The following CSMD1 variants were observed in gnomAD, a reference collection of about 807,000 sequenced individuals.
The protein encoded by CSMD1 is CUB and Sushi multiple domains 1, also known as CUB and sushi domain-containing protein 1.
Under a neutral mutation model 417.5 loss-of-function variants are expected in CSMD1, and 213 were observed. The observed-to-expected ratio is 0.51, with a 90% CI of 0.46 to 0.57. The LOEUF (loss-of-function observed/expected upper bound fraction) is 0.57, where lower values mean the gene tolerates loss of function less well. CSMD1 is among the 20% of genes least tolerant of loss of function. The pLI is 0.00. For synonymous variants in CSMD1, 2,862 were observed against 1,736.8 expected, an observed-to-expected ratio of 1.65 and a Z score of -16.11; for missense variants, 6,923 against 4,529.7, an observed-to-expected ratio of 1.53 and a Z score of -15.17.
chr8:3,032,212 T>A (rs1810387658), intron 50 of CSMD1, among the ~76,000 whole-genome samples: 1 of 151,906 alleles, frequency 6.6e-6, no homozygotes, highest in East Asian at 1.9e-4. Context: ...TTTGTGCAAA[T>A]TATCATTTTA....
intron 1 of CSMD1, among the ~76,000 whole-genome samples, chr8:4,958,429 G>C (rs1468261186): frequency 6.6e-6 from 1 of 152,042 alleles, no homozygotes; most frequent in African/African-American, 2.4e-5. Context: ...CTATAATAAA[G>C]GTAGATGAAG....
intron 3 of CSMD1, among the ~76,000 whole-genome samples, chr8:4,237,181 T>C (rs1001207148): frequency 6.6e-6 from 1 of 152,220 alleles, no homozygotes; most frequent in African/African-American, 2.4e-5. Context: ...TCCCTTCGCC[T>C]TTCCATATTT....
intron 10 of CSMD1, among the ~76,000 whole-genome samples, chr8:3,514,150 T>C (rs1797191370): frequency 6.6e-6 from 1 of 152,192 alleles, no homozygotes; most frequent in Non-Finnish European, 1.5e-5. Context: ...CACTTCTGTC[T>C]CCCAGGAAGC....
intron 51 of CSMD1, among the ~76,000 whole-genome samples, chr8:3,026,826 A>C (rs1809965558): frequency 6.6e-6 from 1 of 152,202 alleles, no homozygotes. Context: ...AATTTTATGA[A>C]AACCCCTGAG....
intron 1 of CSMD1, among the ~76,000 whole-genome samples, chr8:4,731,434 C>T (rs939726331): frequency 2.6e-5 from 4 of 152,156 alleles, no homozygotes; most frequent in Non-Finnish European, 4.4e-5. Flanking sequence ...GTATCTTGGT[C>T]ATTTATAATT....
At chr8:4,533,508 A>C (rs1796945050) in intron 2 of CSMD1, among the ~76,000 whole-genome samples, 1 of 152,162 alleles carries the variant, frequency 6.6e-6, no homozygotes. Flanking sequence ...CCCACTCTTG[A>C]AGAACATAGT....
At chr8:3,318,566 A>C (rs1035413511) in intron 23 of CSMD1, among the ~76,000 whole-genome samples, 7 of 152,222 alleles carry the variant, frequency 4.6e-5, no homozygotes, top group African/African-American at 1.7e-4. Flanking sequence ...ATACTTATTA[A>C]GCGCTTAATA....
At chr8:3,567,448 A>C (rs937761567) in intron 10 of CSMD1, among the ~76,000 whole-genome samples, 1 of 150,784 alleles carries the variant, frequency 6.6e-6, no homozygotes, top group African/African-American at 2.4e-5. Flanking sequence ...AAAAATAAAA[A>C]TATAAATGAA....
At chr8:4,321,229 C>T (rs1206514010) in intron 3 of CSMD1, among the ~76,000 whole-genome samples, 1 of 152,060 alleles carries the variant, frequency 6.6e-6, no homozygotes, top group Non-Finnish European at 1.5e-5. Flanking sequence ...GTTCATGAGG[C>T]GTGCCTACAG....
intron 37 of CSMD1, among the ~76,000 whole-genome samples, chr8:3,179,387 G>A (rs992922387): frequency 2.6e-5 from 4 of 152,076 alleles, no homozygotes; most frequent in Non-Finnish European, 5.9e-5. Context: ...CAAAAATGTG[G>A]CATTATGTTT....
chr8:4,839,908 C>T (rs1179611345), intron 1 of CSMD1, among the ~76,000 whole-genome samples: 1 of 152,288 alleles, frequency 6.6e-6, no homozygotes, highest in South Asian at 2.1e-4. Context: ...TAACCTCCTG[C>T]GCGTCTCCTC....
chr8:3,247,969 C>G (rs1025677448), intron 26 of CSMD1, among the ~76,000 whole-genome samples: 3 of 152,180 alleles, frequency 2.0e-5, no homozygotes, highest in Non-Finnish European at 2.9e-5. Context: ...CTCCCGAAAT[C>G]TGCAGGTCGC....
chr8:3,274,971 A>G (rs369290678), intron 26 of CSMD1, among the ~76,000 whole-genome samples: 2 of 152,134 alleles, frequency 1.3e-5, no homozygotes, highest in Non-Finnish European at 2.9e-5. Context: ...TCCTGTCATT[A>G]TGATGTTAGC....
intron 5 of CSMD1, among the ~76,000 whole-genome samples, chr8:3,843,981 G>A (rs1009495712): frequency 1.3e-5 from 2 of 152,022 alleles, no homozygotes; most frequent in Non-Finnish European, 2.9e-5. Flanking sequence ...GTACTCAAAC[G>A]GCCAAATGTC....
intron 1 of CSMD1, among the ~76,000 whole-genome samples, chr8:4,940,584 G>C (rs1344064265): frequency 1.3e-5 from 2 of 152,152 alleles, no homozygotes; most frequent in Non-Finnish European, 2.9e-5. Flanking sequence ...GTTTAGAGAG[G>C]CAGGTCAGTG....
intron 1 of CSMD1, among the ~76,000 whole-genome samples, chr8:4,795,737 G>T (rs996726157): frequency 6.6e-6 from 1 of 152,084 alleles, no homozygotes; most frequent in African/African-American, 2.4e-5. Context: ...AGGTCCTCCA[G>T]GGCTCTTGTC....
chr8:3,928,841 G>A (rs1182945696), intron 5 of CSMD1, among the ~76,000 whole-genome samples: 2 of 127,744 alleles, frequency 1.6e-5, no homozygotes, highest in Non-Finnish European at 3.1e-5. Context: ...AGGTCATGCT[G>A]TCACTATACA....
chr8:2,939,271 T>C (rs1232970249), intron 69 of CSMD1, among the ~76,000 whole-genome samples: 1 of 152,278 alleles, frequency 6.6e-6, no homozygotes. Flanking sequence ...TGTGGGCATA[T>C]GCCTAGCCTT....
At chr8:4,651,032 G>C (rs565026793) in intron 1 of CSMD1, among the ~76,000 whole-genome samples, 33 of 152,112 alleles carry the variant, frequency 2.2e-4, no homozygotes, top group Non-Finnish European at 4.1e-4. Flanking sequence ...AATATTCACT[G>C]ATCAAAGCAG....
Sources: allele counts gnomAD v4.1 joint callset (sites outside exome capture counted in the v4.1 genomes callset), GRCh38; gene constraint gnomAD v4.1.1; transcripts MANE v1.5; gene names NCBI Gene and HGNC (gene_info 2026-07-23, HGNC 2026-07-21).